Variants in MAML3 observed in about 807,000 individuals in gnomAD.
The protein encoded by MAML3 is mastermind-like protein 3.
In MAML3, 27 loss-of-function variants were observed where a neutral mutation model predicts 101.9. That is an observed-to-expected ratio of 0.27 (90% CI 0.20 to 0.37). The LOEUF (loss-of-function observed/expected upper bound fraction) is 0.37. Ranked by LOEUF, MAML3 falls within the 10% of genes least tolerant of loss-of-function variation. MAML3 has a pLI of 1.00. For synonymous variants in MAML3, 501 were observed against 555.9 expected (o/e 0.90, Z 1.39); for missense variants, 1,316 against 1,444.9 (o/e 0.91, Z 1.45).
At chr4:139,847,960 CTCCAATCTCATCCATTTGATCTATT>C (rs1269171936) in intron 2 of MAML3, among the ~76,000 whole-genome samples, 1 of 152,126 alleles carries the variant, frequency 6.6e-6, no homozygotes, top group East Asian at 1.9e-4. Flanking sequence ...TTTTAGGGAT[CTCCAATCTCATCCATTTGATCTATT>C]TTTCTTTTAA....
intron 2 of MAML3, among the ~76,000 whole-genome samples, chr4:139,875,161 A>T (rs758261125): frequency 1.3e-5 from 2 of 152,018 alleles, no homozygotes; most frequent in Non-Finnish European, 2.9e-5. Context: ...TAACCCGCCC[A>T]AGGTCCTGCA....
At chr4:140,121,859 T>C (rs1728611280) in intron 1 of MAML3, among the ~76,000 whole-genome samples, 1 of 152,212 alleles carries the variant, frequency 6.6e-6, no homozygotes, top group African/African-American at 2.4e-5. Context: ...CCACGTGTCA[T>C]GGGAGGGACC....
intron 1 of MAML3, among the ~76,000 whole-genome samples, chr4:140,094,009 G>A (rs1033088255): frequency 6.6e-6 from 1 of 152,256 alleles, no homozygotes; most frequent in Admixed American, 6.5e-5. Flanking sequence ...TGAGCCAGAA[G>A]AGACCTGTTC....
chr4:139,820,804 T>TC (rs1560804095), intron 2 of MAML3, among the ~76,000 whole-genome samples: 1 of 152,152 alleles, frequency 6.6e-6, no homozygotes, highest in Non-Finnish European at 1.5e-5. Context: ...TCTTTTTTTT[T>TC]CCAATTTTTC....
intron 2 of MAML3, among the ~76,000 whole-genome samples, chr4:139,822,116 A>T (rs928155226): frequency 6.6e-6 from 1 of 152,048 alleles, no homozygotes; most frequent in Non-Finnish European, 1.5e-5. Flanking sequence ...CAGGATCAAC[A>T]TTATCACCAT....
At chr4:139,736,404 T>G (rs1728947944) in intron 2 of MAML3, among the ~76,000 whole-genome samples, 2 of 152,188 alleles carry the variant, frequency 1.3e-5, no homozygotes. Context: ...CAGCACAGGA[T>G]GAATCGAACA....
intron 1 of MAML3, among the ~76,000 whole-genome samples, chr4:139,997,118 A>ATATT (rs1410090487): frequency 2.7e-5 from 4 of 148,418 alleles, no homozygotes; most frequent in Non-Finnish European, 4.5e-5. Flanking sequence ...TCTCAAAAAA[A>ATATT]TATTTATATA....
At chr4:140,068,432 G>T (rs1727575695) in intron 1 of MAML3, among the ~76,000 whole-genome samples, 1 of 152,084 alleles carries the variant, frequency 6.6e-6, no homozygotes, top group Non-Finnish European at 1.5e-5. Flanking sequence ...ACATGTAGTG[G>T]GTGTGAGTGC....
At chr4:139,992,283 AT>A (rs1331751488) in intron 1 of MAML3, among the ~76,000 whole-genome samples, 1 of 152,094 alleles carries the variant, frequency 6.6e-6, no homozygotes, top group African/African-American at 2.4e-5. Flanking sequence ...GCTAAGAATG[AT>A]TCTGTTATGA....
chr4:140,149,939 C>CTTTTTTTT (rs3051828), intron 1 of MAML3, among the ~76,000 whole-genome samples: 62 of 129,830 alleles, frequency 4.8e-4, no homozygotes, highest in Middle Eastern at 3.8e-3. Context: ...ATGTTTCTTT[C>CTTTTTTTT]TTTTTTTTTT....
intron 1 of MAML3, among the ~76,000 whole-genome samples, chr4:139,962,456 A>G (rs977396066): frequency 3.9e-5 from 6 of 152,228 alleles, no homozygotes; most frequent in African/African-American, 1.4e-4. Flanking sequence ...CATTGCTGGT[A>G]GAAAAAGCCA....
At chr4:140,135,429 C>T (rs1728867204) in intron 1 of MAML3, among the ~76,000 whole-genome samples, 1 of 152,236 alleles carries the variant, frequency 6.6e-6, no homozygotes, top group South Asian at 2.1e-4. Context: ...TAATTGGCAT[C>T]CTTGGAGGAA....
intron 4 of MAML3, among the ~76,000 whole-genome samples, chr4:139,722,771 A>C (rs1000106388): frequency 7.2e-5 from 11 of 152,248 alleles, no homozygotes; most frequent in African/African-American, 2.7e-4. Flanking sequence ...GTTCTCATGC[A>C]AGTTATACCT....
At chr4:139,885,614 A>G (rs1456477751) in intron 2 of MAML3, among the ~76,000 whole-genome samples, 1 of 151,564 alleles carries the variant, frequency 6.6e-6, no homozygotes, top group African/African-American at 2.4e-5. Context: ...TAGAAGTTCC[A>G]GAAGGTTTTA....
At chr4:139,904,761 A>ATAGAGTG (rs61712336) in intron 1 of MAML3, among the ~76,000 whole-genome samples, 3 of 151,760 alleles carry the variant, frequency 2.0e-5, no homozygotes, top group Non-Finnish European at 3.0e-5. Flanking sequence ...TGTGAACATC[A>ATAGAGTG]TATTCACACA....
At chr4:140,050,677 T>C (rs902814251) in intron 1 of MAML3, among the ~76,000 whole-genome samples, 2 of 152,148 alleles carry the variant, frequency 1.3e-5, no homozygotes, top group Non-Finnish European at 2.9e-5. Context: ...AACCTATAAA[T>C]CAGGGCCTTC....
At chr4:140,067,624 T>G (rs904841501) in intron 1 of MAML3, among the ~76,000 whole-genome samples, 1 of 152,240 alleles carries the variant, frequency 6.6e-6, no homozygotes, top group African/African-American at 2.4e-5. Flanking sequence ...TAATTCTATT[T>G]GTGATAATAA....
chr4:139,955,876 C>T (rs1230918356), intron 1 of MAML3, among the ~76,000 whole-genome samples: 3 of 152,174 alleles, frequency 2.0e-5, no homozygotes, highest in African/African-American at 7.2e-5. Context: ...CATAGTGGAG[C>T]TTCTGTCAGC....
At chr4:139,828,712 CT>C (rs996757226) in intron 2 of MAML3, among the ~76,000 whole-genome samples, 2,388 of 128,702 alleles carry the variant, frequency 0.019, 52 homozygotes, top group East Asian at 0.062. Context: ...AGATGCACTT[CT>C]TTTTTTTTTT....
Sources: gnomAD v4.1 joint callset for allele counts (sites outside exome capture counted in the v4.1 genomes callset) on GRCh38, gnomAD v4.1.1 for gene constraint, MANE v1.5 for transcripts, NCBI Gene and HGNC (gene_info 2026-07-23, HGNC 2026-07-21) for gene names.